SCFD2: variants seen among roughly 807,000 people sequenced by gnomAD.
SCFD2 encodes the protein sec1 family domain-containing protein 2.
SCFD2 carries 54 observed loss-of-function variants against 58.9 expected under a neutral mutation model. The ratio of observed to expected loss-of-function variants is 0.92; its 90% CI spans 0.74 to 1.15. The LOEUF (loss-of-function observed/expected upper bound fraction) is 1.15, where lower values mean the gene tolerates loss of function less well. SCFD2 is among the 50% of genes most tolerant of loss of function. The pLI is 0.00. For missense variants in SCFD2, 805 were observed against 836.6 expected, an observed-to-expected ratio of 0.96 and a Z score of 0.47; for synonymous variants, 321 against 335.9, an observed-to-expected ratio of 0.96 and a Z score of 0.49.
intron 5 of SCFD2, among the ~76,000 whole-genome samples, chr4:53,065,462 CCTG>C (rs1723636332): frequency 6.6e-6 from 1 of 151,998 alleles, no homozygotes; most frequent in Non-Finnish European, 1.5e-5. Flanking sequence ...TCTCTGAAAT[CCTG>C]CTGAGAAACT....
intron 4 of SCFD2, among the ~76,000 whole-genome samples, chr4:53,246,520 T>C (rs1730078943): frequency 6.6e-6 from 1 of 151,968 alleles, no homozygotes; most frequent in Non-Finnish European, 1.5e-5. Flanking sequence ...TGGAACAGAA[T>C]AGAGAGCCCA....
At chr4:52,887,896 CTT>C (rs71195133) in intron 7 of SCFD2, among the ~76,000 whole-genome samples, 103 of 81,654 alleles carry the variant, frequency 1.3e-3, no homozygotes, top group East Asian at 3.4e-3. Flanking sequence ...ACATCTTATT[CTT>C]TTTTTTTTTT....
chr4:52,980,176 A>G (rs558826906), intron 5 of SCFD2, among the ~76,000 whole-genome samples: 1 of 152,332 alleles, frequency 6.6e-6, no homozygotes, highest in African/African-American at 2.4e-5. Flanking sequence ...AATGGAAATG[A>G]TAATGTTGAA....
intron 2 of SCFD2, among the ~76,000 whole-genome samples, chr4:53,326,829 T>G (rs1222852669): frequency 6.6e-6 from 1 of 152,182 alleles, no homozygotes; most frequent in East Asian, 1.9e-4. Context: ...TATCTTTAGT[T>G]GTCATTAATC....
intron 2 of SCFD2, among the ~76,000 whole-genome samples, chr4:53,328,314 A>G (rs769286060): frequency 6.6e-6 from 1 of 152,128 alleles, no homozygotes; most frequent in Non-Finnish European, 1.5e-5. Flanking sequence ...TTGGTTTCTA[A>G]ATACAATTCT....
chr4:53,203,598 G>A (rs1728319325), intron 4 of SCFD2, among the ~76,000 whole-genome samples: 1 of 151,954 alleles, frequency 6.6e-6, no homozygotes, highest in Non-Finnish European at 1.5e-5. Context: ...GAAGGAGATA[G>A]CAATAGCATT....
intron 5 of SCFD2, among the ~76,000 whole-genome samples, chr4:53,089,876 T>C (rs1423334905): frequency 6.6e-6 from 1 of 152,216 alleles, no homozygotes; most frequent in Non-Finnish European, 1.5e-5. Context: ...TTTCTTAAGA[T>C]GTGAAGTTAT....
chr4:53,269,923 G>A (rs1353898415), intron 4 of SCFD2, among the ~76,000 whole-genome samples: 1 of 152,192 alleles, frequency 6.6e-6, no homozygotes, highest in Non-Finnish European at 1.5e-5. Context: ...CTATTCGGGA[G>A]GCTGACATGG....
intron 2 of SCFD2, among the ~76,000 whole-genome samples, chr4:53,331,062 T>C (rs1399154148): frequency 1.3e-5 from 2 of 151,330 alleles, no homozygotes; most frequent in African/African-American, 2.4e-5. Flanking sequence ...TAAATATATA[T>C]GCACCCAATA....
intron 5 of SCFD2, among the ~76,000 whole-genome samples, chr4:52,927,305 AT>A (rs33950492): frequency 0.21 from 30,785 of 147,652 alleles, 3,907 homozygotes; most frequent in East Asian, 0.54. Context: ...GACTAAGGTA[AT>A]TTTTTTTTTT....
chr4:53,109,676 G>A (rs971608358), intron 5 of SCFD2, among the ~76,000 whole-genome samples: 10 of 151,982 alleles, frequency 6.6e-5, no homozygotes, highest in Admixed American at 6.6e-5. Context: ...TGTGAAGGAC[G>A]TCTTCAAGGA....
At chr4:53,348,710 T>C (rs1734129577) in intron 2 of SCFD2, among the ~76,000 whole-genome samples, 1 of 150,650 alleles carries the variant, frequency 6.6e-6, no homozygotes, top group Non-Finnish European at 1.5e-5. Flanking sequence ...TTGACACTTA[T>C]GACCATATTT....
chr4:53,243,215 A>G (rs1577886548), intron 4 of SCFD2, among the ~76,000 whole-genome samples: 1 of 152,332 alleles, frequency 6.6e-6, no homozygotes. Context: ...ACAAAATGTT[A>G]AGGCAGCTAA....
At chr4:53,355,150 G>C (rs1578000215) in intron 1 of SCFD2, among the ~76,000 whole-genome samples, 1 of 152,150 alleles carries the variant, frequency 6.6e-6, no homozygotes, top group African/African-American at 2.4e-5. Flanking sequence ...AGCAAGCATT[G>C]AGAAGTCTTC....
At chr4:53,061,976 T>C (rs990596472) in intron 5 of SCFD2, among the ~76,000 whole-genome samples, 1 of 152,204 alleles carries the variant, frequency 6.6e-6, no homozygotes, top group African/African-American at 2.4e-5. Context: ...CATCCAGATG[T>C]GATGGCAGCC....
At chr4:53,337,729 T>C (rs1324196975) in intron 2 of SCFD2, among the ~76,000 whole-genome samples, 1 of 152,194 alleles carries the variant, frequency 6.6e-6, no homozygotes, top group African/African-American at 2.4e-5. Context: ...AAAATACTAC[T>C]ATGTAGCATT....
chr4:53,139,494 C>T (rs1376648456), intron 5 of SCFD2, among the ~76,000 whole-genome samples: 1 of 125,758 alleles, frequency 8.0e-6, no homozygotes, highest in African/African-American at 2.6e-5. Flanking sequence ...GACCGGCCGC[C>T]CAGTCTGAGA....
At chr4:53,130,779 T>C (rs1406863333) in intron 5 of SCFD2, among the ~76,000 whole-genome samples, 1 of 152,000 alleles carries the variant, frequency 6.6e-6, no homozygotes. Context: ...TTGGGGGTGA[T>C]GAGGGGTTAT....
chr4:52,885,930 T>A lies in SCFD2; in HGVS notation c.1843-64A>T. 1.9e-6 allele frequency: 3 copies of A among 1,595,052 alleles called. 1 individual carries two copies. The South Asian group carries it at 3.4e-5, about 18-fold the overall frequency. On this transcript the variant is annotated intron_variant, in intron 7 of 8. Transcript: ENST00000401642. ...GTGATGCAGGCACAATGCAGCTGGG[T>A]ACCATCTTCATTGTCCCTCTGTAGA... is the stretch of plus-strand genomic sequence containing the variant.
Sources: allele counts gnomAD v4.1 joint callset (sites outside exome capture counted in the v4.1 genomes callset), GRCh38; gene constraint gnomAD v4.1.1; transcripts MANE v1.5; gene names NCBI Gene and HGNC (gene_info 2026-07-23, HGNC 2026-07-21).